ZNF714: variants seen among roughly 807,000 people sequenced by gnomAD.
ZNF714 encodes the protein zinc finger protein 714.
In ZNF714, 32 loss-of-function variants were observed where a neutral mutation model predicts 46.2. That is an observed-to-expected ratio of 0.69 (90% CI 0.52 to 0.93). The LOEUF is 0.93. Among genes scored for constraint, ZNF714 ranks in the 40% least tolerant of loss-of-function variants. ZNF714 has a pLI of 0.00. For missense variants in ZNF714, 635 were observed against 646.3 expected, an observed-to-expected ratio of 0.98 and a Z score of 0.19; for synonymous variants, 199 against 213.1, an observed-to-expected ratio of 0.93 and a Z score of 0.58.
Position 21,118,767 on chromosome 19 carries a change from C to A in ZNF714, c.*435C>A. On this transcript the variant is annotated 3_prime_UTR_variant, in exon 5 of 5. Transcript: ENST00000456283. ...AACTCTGCAAACCAGAAAGATCTGG[C>A]AATGCTTTTGACAACACCTCAAACT... 4.9e-6 allele frequency: 1 copy of A among 205,124 alleles called. No homozygotes were observed. Among genetic ancestry groups the A allele is most frequent in the Non-Finnish European group, 1.0e-5 (1 of 97,712 alleles). The allele number at this position is 205,124 out of a possible 1,614,324, so 12.7% of individuals were successfully genotyped here. A position where few individuals can be genotyped will look rare whatever the true frequency, so the allele number is the denominator to read the frequency against.
At chr19:21,098,040 G>A (rs1286118611) in intron 2 of ZNF714, 145 bp from the exon 3 acceptor site, 4 of 1,206,454 alleles carry the variant, frequency 3.3e-6, no homozygotes, top group Non-Finnish European at 4.5e-6. Context: ...GAATATTTCT[G>A]TGTTAAAAAT....
At chr19:21,100,147 C>T (rs1466833766) in intron 4 of ZNF714, among the ~76,000 whole-genome samples, 2 of 152,092 alleles carry the variant, frequency 1.3e-5, no homozygotes, top group Admixed American at 6.6e-5. Context: ...AGTCACCATG[C>T]CCAGCCGACA....
At chr19:21,098,942 G>T (rs1400635146) in intron 4 of ZNF714, 32 bp downstream of exon 4, 7 of 1,071,316 alleles carry the variant, frequency 6.5e-6, no homozygotes, top group South Asian at 1.5e-5. Flanking sequence ...AGATGACACA[G>T]ATGAGAGGTA....
chr19:21,089,493 C>T (rs1365513128), intron 2 of ZNF714, among the ~76,000 whole-genome samples: 1 of 152,168 alleles, frequency 6.6e-6, no homozygotes. Flanking sequence ...AATGGTAAAG[C>T]TCACCCAAAT....
At chr19:21,111,042 T>G (rs375778684) in intron 4 of ZNF714, among the ~76,000 whole-genome samples, 8 of 152,330 alleles carry the variant, frequency 5.3e-5, no homozygotes, top group African/African-American at 1.7e-4. Context: ...GCTTTGTTCT[T>G]TTTGCTTAGG....
chr19:21,096,094 C>CCATATTTT (rs761482189), intron 2 of ZNF714, among the ~76,000 whole-genome samples: 4 of 152,060 alleles, frequency 2.6e-5, no homozygotes, highest in Non-Finnish European at 5.9e-5. Context: ...GGGCAGTGGC[C>CCATATTTT]CATATTTTCA....
chr19:21,112,701 A>C (rs889333230), intron 4 of ZNF714, among the ~76,000 whole-genome samples: 1 of 146,686 alleles, frequency 6.8e-6, no homozygotes, highest in Non-Finnish European at 1.5e-5. Context: ...TGGCTTTTTC[A>C]TTTGGGTATT....
intron 4 of ZNF714, chr19:21,109,624 A>G: frequency 4.6e-6 from 1 of 215,934 alleles, no homozygotes; most frequent in Non-Finnish European, 7.9e-6. Context: ...TTATTTCAGG[A>G]TACATGTGCA....
chr19:21,084,032 CAG>C lies in ZNF714; in HGVS notation c.-117_-116del. ...CAAGGGAGCAAGTGGATCCCTGGGG[CAG>C]AGAGGAAGCTTCTAGTGTACTCTTA... On this transcript the variant is annotated 5_prime_UTR_variant, in exon 2 of 5. The change abolishes the stop of an existing upstream ORF in the 5' untranslated region. Coordinates refer to ENST00000456283, the MANE Select transcript of ZNF714 (RefSeq NM_182515.4). 1 of 1,237,242 alleles carries C rather than the reference CAG, an allele frequency of 8.1e-7. No homozygotes were observed. Among genetic ancestry groups the C allele is most frequent in the Non-Finnish European group, 1.0e-6 (1 of 967,694 alleles). The allele number at this position is 1,237,242 out of a possible 1,614,324, so 76.6% of individuals were successfully genotyped here.
In ZNF714 at chr19:21,121,760, C is replaced by A. The variant is rs1969706760; in HGVS notation, c.*3428C>A. On this transcript the variant is annotated 3_prime_UTR_variant, in exon 5 of 5. Transcript: ENST00000456283. ...TTTGTGCTTTGTATTGAATTTATTA[C>A]TGTACAATCCATGACTTACAGTTCT... is the stretch of plus-strand genomic sequence containing the variant. 1 of 152,184 alleles carries A rather than the reference C, an allele frequency of 6.6e-6. No individual in the cohort carries two copies. The highest frequency in any genetic ancestry group is 2.4e-5 in the African/African-American group (1 of 41,452). The allele number at this position is 152,184 out of a possible 1,614,324, so 9.4% of individuals were successfully genotyped here.
chr19:21,083,244 A>AG (rs1968699688), intron 1 of ZNF714, among the ~76,000 whole-genome samples: 1 of 152,186 alleles, frequency 6.6e-6, no homozygotes, highest in South Asian at 2.1e-4. Context: ...CATGTTGGTC[A>AG]GGCTGGTCTC....
chr19:21,110,882 G>T (rs1969435635), intron 4 of ZNF714, among the ~76,000 whole-genome samples: 1 of 152,152 alleles, frequency 6.6e-6, no homozygotes, highest in South Asian at 2.1e-4. Context: ...GTTTTTCAAA[G>T]ATCAGATGGT....
At chr19:21,084,361 A>G (rs548102421) in intron 2 of ZNF714, among the ~76,000 whole-genome samples, 28 of 152,036 alleles carry the variant, frequency 1.8e-4, no homozygotes, top group Admixed American at 1.3e-3. Flanking sequence ...CCCATGTCCT[A>G]TGGTCTTGTA....
At chr19:21,107,558 T>C (rs1969352721) in intron 4 of ZNF714, among the ~76,000 whole-genome samples, 1 of 144,988 alleles carries the variant, frequency 6.9e-6, no homozygotes. Context: ...ATTTCTATAA[T>C]GAAACTGTAC....
intron 4 of ZNF714, among the ~76,000 whole-genome samples, chr19:21,114,235 G>A (rs926834342): frequency 1.3e-5 from 2 of 151,944 alleles, no homozygotes; most frequent in Non-Finnish European, 1.5e-5. Context: ...TCAGGAGATC[G>A]AGACCATCCT....
chr19:21,103,219 T>C lies in ZNF714; in HGVS notation c.142+4309T>C, dbSNP rs562990360. ...ATTTTTGAGAAGATTTGTAATTTAGTATTTTTTCCATTTTTCCTTTAGAAA... is the reference window on the plus strand; with the variant it reads ...ATTTTTGAGAAGATTTGTAATTTAGCATTTTTTCCATTTTTCCTTTAGAAA... On this transcript the variant is annotated intron_variant, in intron 4 of 4. Coordinates refer to ENST00000456283, the MANE Select transcript of ZNF714 (RefSeq NM_182515.4). 2.6e-5 allele frequency among the ~76,000 whole-genome samples: 4 copies of C among 151,272 alleles called. No individual in the cohort carries two copies. In the South Asian group the frequency reaches 8.4e-4, roughly 32 times the overall value.
At chr19:21,106,725 A>G (rs1290409464) in intron 4 of ZNF714, among the ~76,000 whole-genome samples, 2 of 152,180 alleles carry the variant, frequency 1.3e-5, no homozygotes, top group Non-Finnish European at 2.9e-5. Context: ...ATGTAATCAT[A>G]TACAGAAGGC....
chr19:21,087,183 C>A (rs10164375), intron 2 of ZNF714, among the ~76,000 whole-genome samples: 1 of 146,418 alleles, frequency 6.8e-6, no homozygotes, highest in Admixed American at 6.9e-5. Flanking sequence ...ATCAACACAA[C>A]TTGATTGTCT....
intron 4 of ZNF714, among the ~76,000 whole-genome samples, chr19:21,107,824 T>C (rs1349159593): frequency 6.6e-6 from 1 of 152,150 alleles, no homozygotes; most frequent in East Asian, 1.9e-4. Context: ...ACTCAACCCA[T>C]GTGTTTTATT....
Sources: gnomAD v4.1 joint callset for allele counts (sites outside exome capture counted in the v4.1 genomes callset) on GRCh38, gnomAD v4.1.1 for gene constraint, MANE v1.5 for transcripts, NCBI Gene and HGNC (gene_info 2026-07-23, HGNC 2026-07-21) for gene names.